HS3ST4: variants seen among roughly 807,000 people sequenced by gnomAD.
HS3ST4 encodes the protein heparan sulfate glucosamine 3-O-sulfotransferase 4.
Under a neutral mutation model 29.2 loss-of-function variants are expected in HS3ST4, and 17 were observed. The observed-to-expected ratio is 0.58, with a 90% CI of 0.40 to 0.87. HS3ST4 has a LOEUF of 0.87. Ranked by LOEUF, HS3ST4 falls within the 40% of genes least tolerant of loss-of-function variation. The pLI is 0.00. For missense variants in HS3ST4, 627 were observed against 634.5 expected, an observed-to-expected ratio of 0.99 and a Z score of 0.13; for synonymous variants, 314 against 285.7, an observed-to-expected ratio of 1.10 and a Z score of -1.00.
intron 1 of HS3ST4, among the ~76,000 whole-genome samples, chr16:25,728,261 A>C (rs1567228268): frequency 6.6e-6 from 1 of 152,148 alleles, no homozygotes; most frequent in Non-Finnish European, 1.5e-5. Context: ...TGGCCTCTCA[A>C]AGTGCTTGGA....
intron 1 of HS3ST4, among the ~76,000 whole-genome samples, chr16:25,930,224 T>C (rs1375854510): frequency 6.6e-6 from 1 of 152,152 alleles, no homozygotes; most frequent in Non-Finnish European, 1.5e-5. Flanking sequence ...CTTCTGGTTG[T>C]GGAAATTTGC....
intron 1 of HS3ST4, among the ~76,000 whole-genome samples, chr16:25,828,301 C>CTCTCCCTCTCTCTCT (rs1555467593): frequency 3.0e-5 from 1 of 32,882 alleles, no homozygotes; most frequent in Non-Finnish European, 5.5e-5. Flanking sequence ...TCTTTCTTTC[C>CTCTCCCTCTCTCTCT]CTCTCTCTCT....
At chr16:25,759,296 T>A (rs1371101341) in intron 1 of HS3ST4, among the ~76,000 whole-genome samples, 1 of 152,258 alleles carries the variant, frequency 6.6e-6, no homozygotes, top group Non-Finnish European at 1.5e-5. Flanking sequence ...TCTAGCTTAA[T>A]CTTCCCAATA....
intron 1 of HS3ST4, among the ~76,000 whole-genome samples, chr16:25,777,253 TA>T (rs1190013979): frequency 6.6e-6 from 1 of 152,262 alleles, no homozygotes; most frequent in Non-Finnish European, 1.5e-5. Context: ...TTTGTTTTTC[TA>T]AACTTCTGCT....
At chr16:26,046,077 T>C (rs2141762066) in intron 1 of HS3ST4, among the ~76,000 whole-genome samples, 2 of 152,288 alleles carry the variant, frequency 1.3e-5, no homozygotes, top group South Asian at 4.1e-4. Flanking sequence ...GTTTTATGAT[T>C]TCTATAGCCT....
chr16:25,921,264 G>A (rs1267257650), intron 1 of HS3ST4, among the ~76,000 whole-genome samples: 1 of 152,154 alleles, frequency 6.6e-6, no homozygotes, highest in Non-Finnish European at 1.5e-5. Context: ...CCCAAAGTTC[G>A]GGAAAGAGAT....
intron 1 of HS3ST4, among the ~76,000 whole-genome samples, chr16:25,938,393 C>T (rs1408472069): frequency 6.6e-6 from 1 of 152,056 alleles, no homozygotes; most frequent in Non-Finnish European, 1.5e-5. Flanking sequence ...ATTTCATTGT[C>T]TTTTTAGGAA....
chr16:26,018,375 G>A (rs570015610), intron 1 of HS3ST4, among the ~76,000 whole-genome samples: 2 of 152,168 alleles, frequency 1.3e-5, no homozygotes, highest in African/African-American at 4.8e-5. Flanking sequence ...GAAACCAGGA[G>A]ACTGGTTGTG....
At chr16:25,893,866 C>G (rs541336016) in intron 1 of HS3ST4, among the ~76,000 whole-genome samples, 2 of 152,304 alleles carry the variant, frequency 1.3e-5, no homozygotes, top group East Asian at 3.9e-4. Flanking sequence ...TTTAGGATAT[C>G]CAGGGACACC....
rs1439826463 is a variant in HS3ST4 at position 25,873,459 on chromosome 16, TACCC to T, written c.734+180314_734+180317del. Among the ~76,000 whole-genome samples the T allele has an allele frequency of 1.6e-3, 191 of 122,758 alleles. 2 individuals are homozygous for T. The highest frequency in any genetic ancestry group is 7.8e-4 in the Non-Finnish European group (46 of 59,008). The allele number at this position is 122,758 out of a possible 152,430, so 80.5% of individuals were successfully genotyped here. On this transcript the variant is annotated intron_variant, in intron 1 of 1. Transcript: ENST00000331351. The stretch of plus-strand genomic sequence containing the variant: ...CCATCCATCCATCCACCCATCCATT[TACCC>T]ACCCATCCATCTATCTCTCTATCTA...
Position 25,773,695 on chromosome 16 carries a change from A to G in HS3ST4, c.734+80544A>G, listed in dbSNP as rs575002547. On this transcript the variant is annotated intron_variant, in intron 1 of 1. Transcript: ENST00000331351. ...TTAGGGATAAAAGTGGTTTTTGGTG[A>G]CATGGATGAATTGTATAGAGGTGGA... 1.8e-3 allele frequency among the ~76,000 whole-genome samples: 280 copies of G among 152,332 alleles called. 2 individuals carry two copies. Among genetic ancestry groups the G allele is most frequent in the Admixed American group, 3.1e-3 (47 of 15,298 alleles).
intron 1 of HS3ST4, among the ~76,000 whole-genome samples, chr16:26,010,389 G>A (rs1969299251): frequency 6.6e-6 from 1 of 151,994 alleles, no homozygotes; most frequent in African/African-American, 2.4e-5. Flanking sequence ...TGGAGGCAGA[G>A]GTTACGGTGA....
At chr16:26,044,669 G>A (rs1257172641) in intron 1 of HS3ST4, among the ~76,000 whole-genome samples, 1 of 152,100 alleles carries the variant, frequency 6.6e-6, no homozygotes, top group Non-Finnish European at 1.5e-5. Flanking sequence ...GGCAAGCTAG[G>A]GATACATATC....
At chr16:25,796,775 CAG>C (rs1174517807) in intron 1 of HS3ST4, among the ~76,000 whole-genome samples, 2 of 152,182 alleles carry the variant, frequency 1.3e-5, no homozygotes, top group African/African-American at 4.8e-5. Flanking sequence ...GTATGGTTTG[CAG>C]TCATATTTAG....
chr16:26,098,376 C>T (rs1898953073), intron 1 of HS3ST4, among the ~76,000 whole-genome samples: 1 of 152,178 alleles, frequency 6.6e-6, no homozygotes, highest in Non-Finnish European at 1.5e-5. Flanking sequence ...AAATGTGGCA[C>T]ATATGCACCA....
At chr16:25,889,102 G>T (rs950006437) in intron 1 of HS3ST4, among the ~76,000 whole-genome samples, 2 of 152,150 alleles carry the variant, frequency 1.3e-5, no homozygotes, top group African/African-American at 4.8e-5. Context: ...TTCCATCCTT[G>T]TCAGATCCCA....
chr16:26,128,953 C>G (rs1407844075), intron 1 of HS3ST4, among the ~76,000 whole-genome samples: 3 of 152,156 alleles, frequency 2.0e-5, no homozygotes, highest in Non-Finnish European at 4.4e-5. Flanking sequence ...AATTTATGCA[C>G]CATTTGTTCC....
At chr16:25,727,090 A>G (rs1966541037) in intron 1 of HS3ST4, among the ~76,000 whole-genome samples, 1 of 152,202 alleles carries the variant, frequency 6.6e-6, no homozygotes. Flanking sequence ...GTTGGAGAAT[A>G]TAATCTCTGT....
At chr16:25,954,839 A>G (rs1030805809) in intron 1 of HS3ST4, among the ~76,000 whole-genome samples, 6 of 152,366 alleles carry the variant, frequency 3.9e-5, no homozygotes, top group East Asian at 1.9e-4. Context: ...TCTTGTCCCA[A>G]TCATTTCATA....
Sources: gnomAD v4.1 joint callset for allele counts (sites outside exome capture counted in the v4.1 genomes callset) on GRCh38, gnomAD v4.1.1 for gene constraint, MANE v1.5 for transcripts, NCBI Gene and HGNC (gene_info 2026-07-23, HGNC 2026-07-21) for gene names.